Variants in CCDC170 observed in about 807,000 individuals in gnomAD.
CCDC170 encodes coiled-coil domain-containing protein 170.
In CCDC170, 69 loss-of-function variants were observed where a neutral mutation model predicts 72.6. The observed-to-expected ratio is 0.95, with a 90% confidence interval of 0.78 to 1.16. The LOEUF is 1.16. Among genes scored for constraint, CCDC170 ranks in the 50% most tolerant of loss-of-function variants. The pLI, the probability that CCDC170 is intolerant of heterozygous loss-of-function variation, is 0.00. For missense variants in CCDC170, 852 were observed against 832.5 expected (o/e 1.02, Z -0.29); for synonymous variants, 300 against 303.9 (o/e 0.99, Z 0.13).
At chr6:151,508,200 A>G (rs899441158) in intron 1 of CCDC170, among the ~76,000 whole-genome samples, 2 of 152,176 alleles carry the variant, frequency 1.3e-5, no homozygotes, top group African/African-American at 4.8e-5. Context: ...ATTTAAATCA[A>G]TAGCTTATTA....
chr6:151,567,521 CA>C (rs1712101337), intron 5 of CCDC170, among the ~76,000 whole-genome samples: 1 of 152,164 alleles, frequency 6.6e-6, no homozygotes, highest in South Asian at 2.1e-4. Flanking sequence ...TGTGAGCCAC[CA>C]TACCCGTCTG....
At chr6:151,559,142 G>A (rs567409197) in intron 5 of CCDC170, among the ~76,000 whole-genome samples, 1 of 150,948 alleles carries the variant, frequency 6.6e-6, no homozygotes, top group Non-Finnish European at 1.5e-5. Context: ...TTCCTGAGTA[G>A]CTGGGACAAC....
chr6:151,501,545 G>A lies in CCDC170; in HGVS notation c.57+7360G>A, dbSNP rs7341377. ...TCAATAAATGATAACCAGTTAATCC[G>A]TTTACACATCCAACTTCATTTTAGC... On this transcript the variant is annotated intron_variant, in intron 1 of 10. Coordinates refer to ENST00000239374, the MANE Select transcript of CCDC170 (RefSeq NM_025059.4). Among the ~76,000 whole-genome samples, 251 of 152,192 alleles carry A rather than the reference G, an allele frequency of 1.6e-3. 1 individual carries two copies. Among genetic ancestry groups the A allele is most frequent in the African/African-American group, 5.6e-3 (231 of 41,538 alleles).
At chr6:151,522,467 C>T (rs755681290) in intron 1 of CCDC170, among the ~76,000 whole-genome samples, 2 of 152,130 alleles carry the variant, frequency 1.3e-5, no homozygotes, top group Non-Finnish European at 2.9e-5. Flanking sequence ...CCTGCTCAAC[C>T]CCAACTCATT....
At chr6:151,541,150 A>T (rs1021242938) in intron 3 of CCDC170, among the ~76,000 whole-genome samples, 2 of 152,108 alleles carry the variant, frequency 1.3e-5, no homozygotes, top group Non-Finnish European at 2.9e-5. Context: ...CTTCCCCCAG[A>T]TATCACATGG....
At chr6:151,597,796 C>T (rs1263788777) in intron 9 of CCDC170, among the ~76,000 whole-genome samples, 1 of 152,208 alleles carries the variant, frequency 6.6e-6, no homozygotes, top group African/African-American at 2.4e-5. Context: ...AATATGCACA[C>T]ATCATCCTCA....
At chr6:151,605,478 G>A (rs1368213526) in intron 9 of CCDC170, among the ~76,000 whole-genome samples, 2 of 152,180 alleles carry the variant, frequency 1.3e-5, no homozygotes, top group African/African-American at 4.8e-5. Context: ...AGGTTAAAGA[G>A]CTGTCTCCCC....
rs1390043692 is a variant in CCDC170, at chr6:151,544,838, TATTA to T, written c.588+128_588+131del. The T allele has an allele frequency of 1.3e-5, 11 of 878,404 alleles. No homozygotes were observed. The East Asian group carries it at 2.3e-4, about 18-fold the overall frequency. The allele number at this position is 878,404 out of a possible 1,614,324, so 54.4% of individuals were successfully genotyped here. On this transcript the variant is annotated intron_variant, in intron 4 of 10. Transcript: ENST00000239374. Reference sequence around the variant, plus strand: ...GAATGGCACAGTAGACCAAGTGTAGTATTAATTAACTGTATGACTTGGGACAAGT... The same window carrying T: ...GAATGGCACAGTAGACCAAGTGTAGTATTAACTGTATGACTTGGGACAAGT...
intron 9 of CCDC170, among the ~76,000 whole-genome samples, chr6:151,610,031 A>G (rs1402091967): frequency 6.6e-6 from 1 of 152,196 alleles, no homozygotes; most frequent in Non-Finnish European, 1.5e-5. Context: ...CTGTTCTTTT[A>G]TAAATACAAG....
In CCDC170 at chr6:151,617,838, C is replaced by T. The variant is rs561396239; in HGVS notation, c.1948-109C>T. The T allele has an allele frequency of 6.1e-5, 59 of 963,020 alleles. No individual in the cohort carries two copies. In the East Asian group the frequency reaches 6.6e-4, roughly 11 times the overall value. 59.7% of individuals were successfully genotyped at this position (963,020 alleles called of 1,614,324 possible). A position where few individuals can be genotyped will look rare whatever the true frequency, so the allele number is the denominator to read the frequency against. ...AGGAAGAGAGTAGATAATTTCCCTA[C>T]CTCATGCAAACCTGGGTTTTCTACA... On this transcript the variant is annotated intron_variant, in intron 10 of 10. Coordinates refer to ENST00000239374, the MANE Select transcript of CCDC170 (RefSeq NM_025059.4).
intron 1 of CCDC170, among the ~76,000 whole-genome samples, chr6:151,529,001 C>G (rs1036887778): frequency 1.3e-5 from 2 of 152,070 alleles, no homozygotes; most frequent in Non-Finnish European, 2.9e-5. Context: ...TTGAAAAAGT[C>G]AAACCACTGC....
chr6:151,550,104 C>A (rs1270539164), intron 5 of CCDC170, among the ~76,000 whole-genome samples: 1 of 152,080 alleles, frequency 6.6e-6, no homozygotes, highest in African/African-American at 2.4e-5. Context: ...CTATTTAATA[C>A]CATATGTATT....
At position 151,573,317 on chromosome 6, in the gene CCDC170, G is replaced by A; in HGVS notation, c.918G>A (p.Glu306=). Residue 306 remains glutamate, a synonymous_variant, in exon 6 of 11, where the codon GAG becomes GAA. Coordinates refer to ENST00000239374, the MANE Select transcript of CCDC170 (RefSeq NM_025059.4). The part of the protein sequence containing the change: ...SLLKKSSSEL[E]KSLKASQDAV... ...TGAAGAAAAGCTCTTCTGAGTTGGA[G>A]AAGAGTTTGAAGGCCAGTCAGGATG... The A allele has an allele frequency of 6.2e-7, 1 of 1,614,198 alleles. No homozygotes were observed. The highest frequency in any genetic ancestry group is 8.5e-7 in the Non-Finnish European group (1 of 1,180,034).
Position 151,615,920 on chromosome 6 carries a change from A to G in CCDC170, c.1947+241A>G, listed in dbSNP as rs1013824677. 6 of 426,112 alleles carry G rather than the reference A, an allele frequency of 1.4e-5. No individual in the cohort carries two copies. The Admixed American group carries it at 1.6e-4, about 11-fold the overall frequency. 26.4% of individuals were successfully genotyped at this position (426,112 alleles called of 1,614,324 possible). A position where few individuals can be genotyped will look rare whatever the true frequency, so the allele number is the denominator to read the frequency against. ...TCAAAAGCAATTTACAAAGCTTTCT[A>G]TATCTTTTCAACATATCCACCTGCC... On this transcript the variant is annotated intron_variant, in intron 10 of 10. Coordinates refer to ENST00000239374, the MANE Select transcript of CCDC170 (RefSeq NM_025059.4).
At position 151,593,134 on chromosome 6, in the gene CCDC170, C is replaced by T; in HGVS notation, c.1321C>T (p.Gln441Ter). The T allele has an allele frequency of 6.2e-7, 1 of 1,614,186 alleles. No homozygotes were observed. Among genetic ancestry groups the T allele is most frequent in the Non-Finnish European group, 8.5e-7 (1 of 1,180,034 alleles). ...TCTTAAATTTCTGGATCAGCTTTCT[C>T]AGAAAATGAAGTTGGACCAGATGGC... ...KYLKFLDQLSQKMKLDQMAAE... is the reference protein window; with the variant it reads ...KYLKFLDQLS Residue 441 changes from glutamine to a stop codon, truncating the protein, a stop_gained, in exon 8 of 11, where the codon CAG (glutamine) becomes TAG (stop). Coordinates refer to ENST00000239374, the MANE Select transcript of CCDC170 (RefSeq NM_025059.4). LOFTEE classifies it high-confidence loss of function.
At chr6:151,588,000 G>T (rs1776479324) in intron 7 of CCDC170, among the ~76,000 whole-genome samples, 1 of 152,106 alleles carries the variant, frequency 6.6e-6, no homozygotes, top group Non-Finnish European at 1.5e-5. Flanking sequence ...AGAAGGCTCA[G>T]GAAATGAATG....
chr6:151,494,343 G>C (rs1781878493), intron 1 of CCDC170, among the ~76,000 whole-genome samples, 158 bp downstream of exon 1: 1 of 152,222 alleles, frequency 6.6e-6, no homozygotes, highest in African/African-American at 2.4e-5. Context: ...GGGACTGCCA[G>C]GGCGCTGATT....
intron 7 of CCDC170, among the ~76,000 whole-genome samples, chr6:151,592,103 A>G (rs1382217233): frequency 6.6e-6 from 1 of 152,056 alleles, no homozygotes; most frequent in Non-Finnish European, 1.5e-5. Context: ...CATGCCTGTA[A>G]TCCTAGCACT....
chr6:151,580,853 G>T (rs1776369741), intron 6 of CCDC170, among the ~76,000 whole-genome samples: 2 of 152,112 alleles, frequency 1.3e-5, no homozygotes, highest in Admixed American at 1.3e-4. Context: ...CAAAGCAAGT[G>T]TCACAATAAA....
Sources: allele counts gnomAD v4.1 joint callset (sites outside exome capture counted in the v4.1 genomes callset), GRCh38; gene constraint gnomAD v4.1.1; transcripts MANE v1.5; gene names NCBI Gene and HGNC (gene_info 2026-07-23, HGNC 2026-07-21).